ARHGAP12: variants seen among roughly 807,000 people sequenced by gnomAD.
ARHGAP12 encodes Rho GTPase activating protein 12.
In ARHGAP12, 64 loss-of-function variants were observed where a neutral mutation model predicts 108.6. The ratio of observed to expected loss-of-function variants is 0.59; its 90% CI spans 0.48 to 0.73. The LOEUF (loss-of-function observed/expected upper bound fraction) is 0.73. Among genes scored for constraint, ARHGAP12 ranks in the 30% least tolerant of loss-of-function variants. ARHGAP12 has a pLI of 0.00. For missense variants in ARHGAP12, 940 were observed against 1,005.9 expected (o/e 0.93, Z 0.89); for synonymous variants, 312 against 337.2 (o/e 0.93, Z 0.82).
At chr10:31,863,208 A>G (rs774308717) in intron 3 of ARHGAP12, among the ~76,000 whole-genome samples, 9 of 152,236 alleles carry the variant, frequency 5.9e-5, no homozygotes, top group Non-Finnish European at 1.3e-4. Context: ...CTTTCTATGA[A>G]GAAAATCTAT....
chr10:31,822,545 T>G (rs945531663), intron 11 of ARHGAP12, among the ~76,000 whole-genome samples: 1 of 152,210 alleles, frequency 6.6e-6, no homozygotes, highest in East Asian at 1.9e-4. Flanking sequence ...TTTATCCTGA[T>G]GATTATTACA....
chr10:31,925,734 A>G (rs1046933415), intron 1 of ARHGAP12, among the ~76,000 whole-genome samples: 2 of 152,198 alleles, frequency 1.3e-5, no homozygotes, highest in Non-Finnish European at 2.9e-5. Context: ...ATACACTAAG[A>G]GTAACATTGG....
chr10:31,808,874 T>A, intron 18 of ARHGAP12, 120 bp downstream of exon 18: 2 of 1,385,066 alleles, frequency 1.4e-6, no homozygotes, highest in Admixed American at 2.1e-5. Flanking sequence ...TTTAAAATGT[T>A]TGGAGTAAAA....
chr10:31,806,907 C>T lies in ARHGAP12; in HGVS notation c.*751G>A. The T allele has an allele frequency of 6.6e-6, 1 of 152,286 alleles. No individual in the cohort carries two copies. The highest frequency in any genetic ancestry group is 1.5e-5 in the Non-Finnish European group (1 of 67,996). 9.4% of individuals were successfully genotyped at this position (152,286 alleles called of 1,614,324 possible). A position where few individuals can be genotyped will look rare whatever the true frequency, so the allele number is the denominator to read the frequency against. On this transcript the variant is annotated 3_prime_UTR_variant, in exon 20 of 20. Transcript: ENST00000344936. ...AAAATAATGTGTGTTTCCACAGGGT[C>T]ATACCAATAACTCAGTATGGTACTA...
intron 3 of ARHGAP12, among the ~76,000 whole-genome samples, chr10:31,874,230 A>C (rs890426436): frequency 6.6e-6 from 1 of 152,230 alleles, no homozygotes; most frequent in Non-Finnish European, 1.5e-5. Context: ...TTAAATGCCC[A>C]ACATACCATC....
intron 13 of ARHGAP12, among the ~76,000 whole-genome samples, chr10:31,817,515 T>G (rs2132159306): frequency 6.6e-6 from 1 of 152,326 alleles, no homozygotes; most frequent in Non-Finnish European, 1.5e-5. Flanking sequence ...AAGCACCATT[T>G]ACCCCTTCTT....
At chr10:31,904,104 G>A (rs939973057) in intron 3 of ARHGAP12, among the ~76,000 whole-genome samples, 7 of 152,202 alleles carry the variant, frequency 4.6e-5, no homozygotes, top group Admixed American at 2.0e-4. Flanking sequence ...AATTATACTT[G>A]TAGGCGTTTA....
chr10:31,822,589 T>C (rs1316180590), intron 11 of ARHGAP12, among the ~76,000 whole-genome samples: 1 of 152,206 alleles, frequency 6.6e-6, no homozygotes, highest in East Asian at 1.9e-4. Context: ...ATGAATGCTT[T>C]ATAGAATTTA....
At chr10:31,809,506 A>T in intron 16 of ARHGAP12, 199 bp from the exon 17 acceptor site, 1 of 547,338 alleles carries the variant, frequency 1.8e-6, no homozygotes, top group South Asian at 2.1e-5. Flanking sequence ...ATTCTGTTTA[A>T]TAAACAGCAG....
intron 4 of ARHGAP12, among the ~76,000 whole-genome samples, chr10:31,855,839 G>T (rs1255567482): frequency 2.0e-5 from 3 of 152,102 alleles, no homozygotes; most frequent in Non-Finnish European, 4.4e-5. Flanking sequence ...ACCATGAAAA[G>T]TAACCTCCAA....
intron 3 of ARHGAP12, among the ~76,000 whole-genome samples, chr10:31,881,753 T>C (rs1039581429): frequency 5.9e-5 from 9 of 152,204 alleles, no homozygotes; most frequent in African/African-American, 1.9e-4. Flanking sequence ...CTACAAGTAT[T>C]AGTAATCATT....
chr10:31,925,091 T>C (rs1247580003), intron 1 of ARHGAP12, among the ~76,000 whole-genome samples: 1 of 152,208 alleles, frequency 6.6e-6, no homozygotes, highest in African/African-American at 2.4e-5. Flanking sequence ...TGCAGCTTAT[T>C]AGTAGTACAT....
intron 3 of ARHGAP12, among the ~76,000 whole-genome samples, chr10:31,867,606 T>C (rs191362470): frequency 1.3e-5 from 2 of 152,318 alleles, no homozygotes; most frequent in Non-Finnish European, 2.9e-5. Context: ...GAAGGTGGGA[T>C]GTAACAACTC....
chr10:31,862,786 CTG>C (rs1014221120), intron 3 of ARHGAP12, among the ~76,000 whole-genome samples: 3 of 151,816 alleles, frequency 2.0e-5, no homozygotes, highest in Non-Finnish European at 4.4e-5. Flanking sequence ...CCTCCAGACA[CTG>C]ATGAATGTCC....
intron 3 of ARHGAP12, among the ~76,000 whole-genome samples, chr10:31,868,317 TAAAGAA>T (rs963421731): frequency 1.3e-5 from 2 of 152,018 alleles, no homozygotes; most frequent in East Asian, 1.9e-4. Context: ...TTTTAAAGCA[TAAAGAA>T]AAACTAAAAC....
intron 3 of ARHGAP12, among the ~76,000 whole-genome samples, chr10:31,866,785 T>TTA (rs1837342263): frequency 6.6e-6 from 1 of 152,026 alleles, no homozygotes; most frequent in Non-Finnish European, 1.5e-5. Flanking sequence ...CCGGCTAATT[T>TTA]TATATTTTTT....
At chr10:31,823,469 T>C (rs1405660916) in intron 11 of ARHGAP12, among the ~76,000 whole-genome samples, 1 of 148,562 alleles carries the variant, frequency 6.7e-6, no homozygotes, top group Admixed American at 6.7e-5. Context: ...AACCATCCAC[T>C]CTCTGCCAAA....
rs1037326820 is a variant in ARHGAP12 at position 31,861,507 on chromosome 10, C to T, written c.836G>A (p.Gly279Glu). ...CCCTCTGTTATAGTAATAGCAACGC[C>T]CTGAGCTGTCTTTATGAGTTTCCCA... ...GEWETHKDSS[G>E]RCYYYNRGTQ... Residue 279 changes from glycine to glutamate, a missense_variant, in exon 4 of 20, where the codon GGG becomes GAG. Coordinates refer to ENST00000344936, the MANE Select transcript of ARHGAP12 (RefSeq NM_018287.7). The T allele has an allele frequency of 1.2e-6, 2 of 1,614,070 alleles. No individual in the cohort carries two copies. The highest frequency in any genetic ancestry group is 1.3e-5 in the African/African-American group (1 of 75,016).
chr10:31,914,866 T>C (rs963284267), intron 1 of ARHGAP12, among the ~76,000 whole-genome samples: 1 of 152,126 alleles, frequency 6.6e-6, no homozygotes, highest in African/African-American at 2.4e-5. Flanking sequence ...GTATTCGAAA[T>C]AGGCAAGATA....
Sources: allele counts gnomAD v4.1 joint callset (sites outside exome capture counted in the v4.1 genomes callset), GRCh38; gene constraint gnomAD v4.1.1; transcripts MANE v1.5; gene names NCBI Gene and HGNC (gene_info 2026-07-23, HGNC 2026-07-21).